The following CACNA1C variants were observed in gnomAD, a reference collection of about 807,000 sequenced individuals.
CACNA1C encodes the protein voltage-dependent L-type calcium channel subunit alpha-1C.
CACNA1C carries 30 observed loss-of-function variants against 229.0 expected under a neutral mutation model. The observed-to-expected ratio is 0.13, with a 90% CI of 0.10 to 0.18. The LOEUF is 0.18. Among genes scored for constraint, CACNA1C ranks in the 10% least tolerant of loss-of-function variants. CACNA1C has a pLI of 1.00. For synonymous variants in CACNA1C, 1,114 were observed against 1,132.5 expected (o/e 0.98, Z 0.33); for missense variants, 1,658 against 2,845.0 (o/e 0.58, Z 9.49).
At chr12:2,580,185 T>C (rs534707863) in intron 13 of CACNA1C, among the ~76,000 whole-genome samples, 3 of 152,304 alleles carry the variant, frequency 2.0e-5, no homozygotes, top group African/African-American at 7.2e-5. Context: ...TACAAATAGA[T>C]GTATATTAAT....
chr12:2,664,682 C>A, intron 34 of CACNA1C, 143 bp from the exon 35 acceptor site: 1 of 577,730 alleles, frequency 1.7e-6, no homozygotes, highest in Non-Finnish European at 2.9e-6. Flanking sequence ...TATATCAGAG[C>A]ATTCAGGGAA....
Position 2,639,689 on chromosome 12 carries a change from C to T in CACNA1C, c.3912+5309C>T, listed in dbSNP as rs1391344965. Among the ~76,000 whole-genome samples, 2 of 152,120 alleles carry T rather than the reference C, an allele frequency of 1.3e-5. No homozygotes were observed. The highest frequency in any genetic ancestry group is 4.8e-5 in the African/African-American group (2 of 41,424). The stretch of plus-strand genomic sequence containing the variant: ...ACAGCTGGAGGTGGATGCTTCATTG[C>T]CCCCATTGCCTTGCTGGGTTCTGAG... On this transcript the variant is annotated intron_variant, in intron 30 of 46. Transcript: ENST00000399655. The surrounding 1 kb of genome is among the most constrained non-coding windows in gnomAD (Gnocchi z 4.2).
intron 3 of CACNA1C, among the ~76,000 whole-genome samples, chr12:2,332,697 G>T (rs911859345): frequency 3.3e-5 from 5 of 152,188 alleles, no homozygotes; most frequent in African/African-American, 1.2e-4. Flanking sequence ...AATAGGATGT[G>T]CCCATTTAAT....
intron 15 of CACNA1C, among the ~76,000 whole-genome samples, chr12:2,583,584 C>T (rs1568575044): frequency 6.6e-6 from 1 of 152,216 alleles, no homozygotes; most frequent in Non-Finnish European, 1.5e-5. Flanking sequence ...GGCCAAGTCC[C>T]AGCTAAGGCA....
intron 3 of CACNA1C, among the ~76,000 whole-genome samples, chr12:2,177,475 TTCTC>T (rs979291305): frequency 6.6e-6 from 1 of 151,642 alleles, no homozygotes; most frequent in Non-Finnish European, 1.5e-5. Flanking sequence ...CTTTCTTTCT[TTCTC>T]TTTCTTTTCT....
At chr12:2,663,408 A>G (rs1404426549) in intron 34 of CACNA1C, among the ~76,000 whole-genome samples, 2 of 152,250 alleles carry the variant, frequency 1.3e-5, no homozygotes, top group Non-Finnish European at 2.9e-5. Flanking sequence ...GGAAAACAGT[A>G]TGAAGATTCC....
intron 1 of CACNA1C, among the ~76,000 whole-genome samples, chr12:2,110,995 C>T (rs1212094694): frequency 1.4e-4 from 22 of 152,236 alleles, no homozygotes; most frequent in Admixed American, 1.4e-3. Flanking sequence ...CTGTCTCACC[C>T]GAGAGGCCAT....
chr12:2,009,332 T>C (rs2044000688), intron 1 of CACNA1C, among the ~76,000 whole-genome samples: 1 of 152,228 alleles, frequency 6.6e-6, no homozygotes, highest in Non-Finnish European at 1.5e-5. Context: ...AAGGTAATTG[T>C]AAGAAGACAG....
At position 2,599,261 on chromosome 12, in the gene CACNA1C, G is replaced by A. The variant is rs1209511050; in HGVS notation, c.2853+1972G>A. On this transcript the variant is annotated intron_variant, in intron 21 of 46. Coordinates refer to ENST00000399655, the MANE Select transcript of CACNA1C (RefSeq NM_000719.7). ...GCTTCTGAATAGAAACCCCAATGCC[G>A]GAACACTCCCCTGTACCTCCTTCCC... Among the ~76,000 whole-genome samples, 5 of 152,112 alleles carry A rather than the reference G, an allele frequency of 3.3e-5. 1 individual carries two copies. The highest frequency in any genetic ancestry group is 4.1e-4 in the South Asian group (2 of 4,826).
intron 3 of CACNA1C, chr12:2,220,965 CA>C (rs2061322247): frequency 6.6e-6 from 1 of 152,176 alleles, no homozygotes; most frequent in African/African-American, 2.4e-5. Context: ...CAAAGAGAAA[CA>C]AGCAGAGTTT....
At chr12:2,363,550 T>C (rs2097631373) in intron 3 of CACNA1C, among the ~76,000 whole-genome samples, 1 of 152,202 alleles carries the variant, frequency 6.6e-6, no homozygotes, top group Non-Finnish European at 1.5e-5. Flanking sequence ...TTTGCTGGGG[T>C]TCCCAGTGGG....
rs528302959 is a variant in CACNA1C at position 2,538,672 on chromosome 12, A to G, written c.1391-11271A>G. On this transcript the variant is annotated intron_variant, in intron 9 of 46. Transcript: ENST00000399655. ...TCTTTGTTGTTTTTCCTGGACTCAC[A>G]GTATTAGAGACTCCTAAGACTCCAA... Among the ~76,000 whole-genome samples, 238 of 152,340 alleles carry G rather than the reference A, an allele frequency of 1.6e-3. 1 individual carries two copies. The highest frequency in any genetic ancestry group is 5.4e-3 in the African/African-American group (225 of 41,576).
At chr12:2,126,308 T>C (rs2090037901) in intron 3 of CACNA1C, among the ~76,000 whole-genome samples, 1 of 152,228 alleles carries the variant, frequency 6.6e-6, no homozygotes, top group African/African-American at 2.4e-5. Context: ...AGTGCTGTTA[T>C]TGGCAATGCC....
intron 3 of CACNA1C, among the ~76,000 whole-genome samples, chr12:2,150,310 G>A (rs967590237): frequency 6.6e-6 from 1 of 152,176 alleles, no homozygotes; most frequent in Non-Finnish European, 1.5e-5. Flanking sequence ...TAGAAGGCAG[G>A]TGTCTATCAA....
In CACNA1C at chr12:2,679,205, C is replaced by G. The variant is rs781605951; in HGVS notation, c.5092-239C>G. On this transcript the variant is annotated intron_variant, in intron 41 of 46. Transcript: ENST00000399655. The surrounding 1 kb of genome is among the most constrained non-coding windows in gnomAD (Gnocchi z 5.5). ...CCATCCCCACTGGTGGGTGGGTTCT[C>G]CCAGCTGCTGCAGAGGGGAGTCCAG... is the stretch of plus-strand genomic sequence containing the variant. Among the ~76,000 whole-genome samples the G allele has an allele frequency of 6.6e-6, 1 of 152,200 alleles. No homozygotes were observed. The highest frequency in any genetic ancestry group is 6.5e-5 in the Admixed American group (1 of 15,282).
intron 3 of CACNA1C, among the ~76,000 whole-genome samples, chr12:2,334,307 C>T (rs1255916709): frequency 6.6e-6 from 1 of 152,192 alleles, no homozygotes; most frequent in Non-Finnish European, 1.5e-5. Context: ...ATGCCAGTCA[C>T]TCTACTGGAA....
intron 3 of CACNA1C, among the ~76,000 whole-genome samples, chr12:2,312,601 C>A (rs951926591): frequency 2.0e-5 from 3 of 152,194 alleles, no homozygotes; most frequent in Non-Finnish European, 4.4e-5. Context: ...CCTAACCACC[C>A]TGGGTGTCTG....
chr12:2,621,607 G>T (rs1057167546), intron 29 of CACNA1C, among the ~76,000 whole-genome samples: 62 of 152,300 alleles, frequency 4.1e-4, no homozygotes, highest in African/African-American at 1.5e-3. Context: ...GACTGGTGTG[G>T]TGAGATGGGG....
intron 29 of CACNA1C, among the ~76,000 whole-genome samples, chr12:2,618,811 C>A (rs2081964322): frequency 6.6e-6 from 1 of 152,206 alleles, no homozygotes. Flanking sequence ...GGAGCCCGTT[C>A]CTCTTTTTGA....
Sources: allele counts gnomAD v4.1 joint callset (sites outside exome capture counted in the v4.1 genomes callset), GRCh38; gene constraint gnomAD v4.1.1; non-coding constraint Gnocchi (gnomAD v3.1); transcripts MANE v1.5; gene names NCBI Gene and HGNC (gene_info 2026-07-23, HGNC 2026-07-21).